SLC5A11: variants seen among roughly 807,000 people sequenced by gnomAD.
The protein encoded by SLC5A11 is solute carrier family 5 member 11, also known as sodium/myo-inositol cotransporter 2.
In SLC5A11, 48 loss-of-function variants were observed where a neutral mutation model predicts 69.8. That is an observed-to-expected ratio of 0.69 (90% CI 0.55 to 0.87). The LOEUF is 0.87. Ranked by LOEUF, SLC5A11 falls within the 40% of genes least tolerant of loss-of-function variation. The pLI is 0.00. For synonymous variants in SLC5A11, 319 were observed against 342.4 expected, an observed-to-expected ratio of 0.93 and a Z score of 0.75; for missense variants, 784 against 866.1, an observed-to-expected ratio of 0.91 and a Z score of 1.19.
At chr16:24,894,325 C>T (rs2152382239) in intron 9 of SLC5A11, among the ~76,000 whole-genome samples, 1 of 152,200 alleles carries the variant, frequency 6.6e-6, no homozygotes, top group South Asian at 2.1e-4. Context: ...TTTCCCACCC[C>T]AAGGAAGGGA....
At chr16:24,861,798 G>GA (rs2046579244) in intron 2 of SLC5A11, among the ~76,000 whole-genome samples, 1 of 129,856 alleles carries the variant, frequency 7.7e-6, no homozygotes, top group Non-Finnish European at 1.6e-5. Context: ...AGGAAGGAAA[G>GA]AAAGAAAAGA....
exon 4 of SLC5A11, chr16:24,869,928 G>A: frequency 6.2e-7 from 1 of 1,614,186 alleles, no homozygotes; most frequent in Non-Finnish European, 8.5e-7. Flanking sequence ...TGCCAGCAAT[G>A]TTGGAAGTGG....
chr16:24,901,583 C>T (rs1370798502), intron 10 of SLC5A11, among the ~76,000 whole-genome samples: 1 of 151,900 alleles, frequency 6.6e-6, no homozygotes, highest in African/African-American at 2.4e-5. Flanking sequence ...GCACTCCAGC[C>T]TGGGTGACAA....
Position 24,898,110 on chromosome 16 carries a change from G to A in SLC5A11, c.1006+1G>A. The stretch of plus-strand genomic sequence containing the variant: ...ATGGTCAGCCGCATCCTCTTCCCAG[G>A]TGAGAACACAGCTGGGGGAAGAGGT... On this transcript the variant is annotated splice_donor_variant, in intron 10 of 15. Coordinates refer to ENST00000347898, the Ensembl canonical transcript of SLC5A11. LOFTEE classifies it high-confidence loss of function. 1 of 1,613,784 alleles carries A rather than the reference G, an allele frequency of 6.2e-7. No homozygotes were observed. Among genetic ancestry groups the A allele is most frequent in the Non-Finnish European group, 8.5e-7 (1 of 1,179,948 alleles).
chr16:24,872,687 AT>A (rs112261900), intron 5 of SLC5A11, among the ~76,000 whole-genome samples: 40 of 146,352 alleles, frequency 2.7e-4, no homozygotes, highest in Admixed American at 1.1e-3. Context: ...TAATTTTTGC[AT>A]TTTTTTTTTA....
intron 1 of SLC5A11, among the ~76,000 whole-genome samples, chr16:24,848,889 G>C (rs2059143967): frequency 6.6e-6 from 1 of 152,206 alleles, no homozygotes; most frequent in South Asian, 2.1e-4. Flanking sequence ...AGACAGAAGT[G>C]ATGGTGGCTC....
At chr16:24,864,771 C>A (rs1405597307) in intron 3 of SLC5A11, among the ~76,000 whole-genome samples, 1 of 151,768 alleles carries the variant, frequency 6.6e-6, no homozygotes, top group Non-Finnish European at 1.5e-5. Flanking sequence ...AGTATGAGAA[C>A]AATGTTTAAC....
chr16:24,860,012 G>A (rs1359801979), intron 2 of SLC5A11, among the ~76,000 whole-genome samples: 4 of 152,136 alleles, frequency 2.6e-5, no homozygotes, highest in Non-Finnish European at 4.4e-5. Flanking sequence ...TAGGCCAGGC[G>A]CGGTGGCTCA....
At chr16:24,867,243 T>C (rs758612792) in intron 3 of SLC5A11, among the ~76,000 whole-genome samples, 10 of 151,936 alleles carry the variant, frequency 6.6e-5, no homozygotes, top group Admixed American at 2.0e-4. Context: ...CAAATACATA[T>C]CAATTAAACA....
chr16:24,852,123 A>G (rs1207619252), intron 1 of SLC5A11, among the ~76,000 whole-genome samples: 2 of 152,032 alleles, frequency 1.3e-5, no homozygotes, highest in Non-Finnish European at 2.9e-5. Context: ...GCTTCATGCT[A>G]TAAATTGTGC....
intron 14 of SLC5A11, among the ~76,000 whole-genome samples, chr16:24,909,366 G>A (rs1311003448): frequency 6.6e-6 from 1 of 152,116 alleles, no homozygotes; most frequent in African/African-American, 2.4e-5. Context: ...AGGCTGGGGT[G>A]CGGTGGCTCA....
intron 1 of SLC5A11, among the ~76,000 whole-genome samples, chr16:24,849,347 C>T (rs1029316002): frequency 4.6e-5 from 7 of 151,832 alleles, no homozygotes; most frequent in African/African-American, 1.7e-4. Context: ...GCGGGTGGAT[C>T]ACCCGAGGTC....
chr16:24,882,033 C>T (rs1441533329), intron 7 of SLC5A11, among the ~76,000 whole-genome samples: 1 of 152,128 alleles, frequency 6.6e-6, no homozygotes, highest in Non-Finnish European at 1.5e-5. Flanking sequence ...CTAGCAGAAG[C>T]AATGTGCCTG....
At chr16:24,890,713 TA>T (rs1436890451) in intron 8 of SLC5A11, among the ~76,000 whole-genome samples, 155 bp from the exon 10 acceptor site, 2 of 151,952 alleles carry the variant, frequency 1.3e-5, no homozygotes, top group East Asian at 1.9e-4. Flanking sequence ...TTTTTTAAGT[TA>T]AAAAAATGTG....
intron 8 of SLC5A11, among the ~76,000 whole-genome samples, chr16:24,884,852 C>T (rs1375620649): frequency 2.0e-5 from 3 of 151,626 alleles, no homozygotes; most frequent in East Asian, 1.9e-4. Flanking sequence ...GCAATCCTCC[C>T]GCCTCAGCCT....
chr16:24,910,256 C>A (rs780297551), intron 14 of SLC5A11, 50 bp from the exon 16 acceptor site: 3 of 1,593,226 alleles, frequency 1.9e-6, no homozygotes, highest in South Asian at 2.2e-5. Flanking sequence ...GGATGGACAA[C>A]CCCGGCCCCA....
chr16:24,881,751 T>C (rs1258434318), intron 7 of SLC5A11, among the ~76,000 whole-genome samples: 9 of 152,132 alleles, frequency 5.9e-5, no homozygotes, highest in Admixed American at 5.9e-4. Flanking sequence ...CAAATGGTTA[T>C]GTAGGCTGTG....
chr16:24,858,086 T>C (rs2059610126), intron 1 of SLC5A11, among the ~76,000 whole-genome samples: 2 of 152,208 alleles, frequency 1.3e-5, no homozygotes, highest in Non-Finnish European at 2.9e-5. Flanking sequence ...ATAACAATAG[T>C]GCCCACTTTG....
At chr16:24,857,151 A>G (rs1483135919) in intron 1 of SLC5A11, among the ~76,000 whole-genome samples, 1 of 152,128 alleles carries the variant, frequency 6.6e-6, no homozygotes, top group Non-Finnish European at 1.5e-5. Flanking sequence ...TGAATTCTTA[A>G]CATCTCTCCC....
Sources: allele counts gnomAD v4.1 joint callset (sites outside exome capture counted in the v4.1 genomes callset), GRCh38; gene constraint gnomAD v4.1.1; transcripts MANE v1.5; gene names NCBI Gene and HGNC (gene_info 2026-07-23, HGNC 2026-07-21).